The following GRAMD1B variants were observed in gnomAD, a reference collection of about 807,000 sequenced individuals.
The protein encoded by GRAMD1B is GRAM domain containing 1B, also known as protein Aster-B.
Under a neutral mutation model 99.7 loss-of-function variants are expected in GRAMD1B, and 37 were observed. The observed-to-expected ratio is 0.37, with a 90% CI of 0.29 to 0.49. The LOEUF is 0.49. GRAMD1B is among the 20% of genes least tolerant of loss of function. GRAMD1B has a pLI of 0.98. For missense variants in GRAMD1B, 888 were observed against 1,009.2 expected, an observed-to-expected ratio of 0.88 and a Z score of 1.63; for synonymous variants, 427 against 387.6, an observed-to-expected ratio of 1.10 and a Z score of -1.19.
intron 4 of GRAMD1B, among the ~76,000 whole-genome samples, chr11:123,585,487 A>G (rs1038097063): frequency 6.6e-6 from 1 of 152,206 alleles, no homozygotes; most frequent in African/African-American, 2.4e-5. Context: ...ACCGCAAACA[A>G]GGCAGAATTT....
intron 2 of GRAMD1B, among the ~76,000 whole-genome samples, chr11:123,574,779 C>T (rs1195564797): frequency 6.6e-6 from 1 of 152,056 alleles, no homozygotes; most frequent in Non-Finnish European, 1.5e-5. Context: ...GTGACCAGGG[C>T]CGGAAGCAGG....
chr11:123,368,258 C>CAAAAAAAAAAAAA (rs1024340450), intron 1 of GRAMD1B, among the ~76,000 whole-genome samples: 7 of 88,286 alleles, frequency 7.9e-5, no homozygotes, highest in Non-Finnish European at 7.1e-5. Flanking sequence ...CATCTTAAAA[C>CAAAAAAAAAAAAA]AAAAAAAAAA....
At chr11:123,595,864 G>A (rs376608214) in intron 6 of GRAMD1B, 78 bp from the exon 7 acceptor site, 144 of 723,602 alleles carry the variant, frequency 2.0e-4, no homozygotes, top group Non-Finnish European at 3.2e-4. Flanking sequence ...CTACACTGGC[G>A]CCCCCTGAAC....
chr11:123,513,657 C>A (rs1436035881), intron 2 of GRAMD1B, among the ~76,000 whole-genome samples: 1 of 127,492 alleles, frequency 7.8e-6, no homozygotes, highest in Admixed American at 9.1e-5. Flanking sequence ...TCTTACCTTT[C>A]TTTCTTTCTT....
chr11:123,497,900 CAAAAA>C (rs34168499), intron 2 of GRAMD1B, among the ~76,000 whole-genome samples: 4 of 110,360 alleles, frequency 3.6e-5, no homozygotes, highest in Admixed American at 1.9e-4. Context: ...GAATCTGTCT[CAAAAA>C]AAAAAAAAAA....
At chr11:123,410,263 A>G (rs1313722782) in intron 1 of GRAMD1B, among the ~76,000 whole-genome samples, 1 of 152,124 alleles carries the variant, frequency 6.6e-6, no homozygotes, top group Non-Finnish European at 1.5e-5. Flanking sequence ...CAAACAAAAA[A>G]ACCAGATGCC....
At chr11:123,617,788 C>G (rs1039345312) in intron 17 of GRAMD1B, among the ~76,000 whole-genome samples, 2 of 152,156 alleles carry the variant, frequency 1.3e-5, no homozygotes, top group African/African-American at 4.8e-5. Flanking sequence ...ATCCTATGAG[C>G]TTGTTATACA....
chr11:123,550,723 G>C (rs187689924), intron 2 of GRAMD1B, among the ~76,000 whole-genome samples: 2 of 152,150 alleles, frequency 1.3e-5, no homozygotes, highest in Non-Finnish European at 1.5e-5. Flanking sequence ...ATTAAGAAAA[G>C]GTCAGTTACC....
chr11:123,410,257 C>A (rs553237092), intron 1 of GRAMD1B, among the ~76,000 whole-genome samples: 16 of 150,290 alleles, frequency 1.1e-4, no homozygotes, highest in Non-Finnish European at 1.6e-4. Context: ...AACAAACAAA[C>A]AAAAAAACCA....
chr11:123,456,063 C>T (rs999037758), intron 1 of GRAMD1B, among the ~76,000 whole-genome samples: 3 of 152,112 alleles, frequency 2.0e-5, no homozygotes, highest in Non-Finnish European at 4.4e-5. Flanking sequence ...CCCAGCTACT[C>T]GGAAGCCTGA....
intron 1 of GRAMD1B, among the ~76,000 whole-genome samples, chr11:123,362,183 G>C (rs1308550172): frequency 6.6e-6 from 1 of 152,184 alleles, no homozygotes; most frequent in Non-Finnish European, 1.5e-5. Flanking sequence ...ATCTCTAGTT[G>C]TTCATGAGCA....
chr11:123,360,736 T>C (rs1565447699), intron 1 of GRAMD1B, among the ~76,000 whole-genome samples: 1 of 151,354 alleles, frequency 6.6e-6, no homozygotes, highest in East Asian at 1.9e-4. Context: ...AATCACATTC[T>C]TTCCTTCCTT....
At chr11:123,559,755 G>A in intron 2 of GRAMD1B, 44 of 900,782 alleles carry the variant, frequency 4.9e-5, no homozygotes, top group Non-Finnish European at 5.7e-5. Flanking sequence ...GGAGAAGCGA[G>A]CATCCTGGAA....
In GRAMD1B at chr11:123,603,912, G is replaced by A. The variant is rs184180272; in HGVS notation, c.1166+371G>A. Among the ~76,000 whole-genome samples the A allele has an allele frequency of 1.2e-4, 19 of 152,348 alleles. No homozygotes were observed. The East Asian group carries it at 3.3e-3, about 26-fold the overall frequency. ...GAGTAATTTAGATAGTTAGATGAGG[G>A]ATGGTGGTTGTTTGGAGAAGTGGCA... On this transcript the variant is annotated intron_variant, in intron 9 of 19. Coordinates refer to ENST00000635736, the MANE Select transcript of GRAMD1B (RefSeq NM_001387025.1).
rs1955162370 is a variant in GRAMD1B at position 123,621,886 on chromosome 11, T to TTTTC, written c.2545-619_2545-618insTTCT. On this transcript the variant is annotated intron_variant, in intron 19 of 19. Coordinates refer to ENST00000635736, the MANE Select transcript of GRAMD1B (RefSeq NM_001387025.1). ...CTTTCTTTTCTTTCTTTCTTTTTCTTTCTTTCTTTCTTTTTCTCTTTCTTT... is the reference window on the plus strand; with the variant it reads ...CTTTCTTTTCTTTCTTTCTTTTTCTTTTTCTCTTTCTTTCTTTTTCTCTTTCTTT... Among the ~76,000 whole-genome samples the TTTTC allele has an allele frequency of 1.3e-4, 8 of 61,962 alleles. No homozygotes were observed. In the Admixed American group the frequency reaches 1.4e-3, roughly 11 times the overall value. 40.6% of individuals were successfully genotyped at this position (61,962 alleles called of 152,430 possible).
chr11:123,514,301 A>T (rs1941459848), intron 2 of GRAMD1B, among the ~76,000 whole-genome samples: 1 of 152,202 alleles, frequency 6.6e-6, no homozygotes, highest in African/African-American at 2.4e-5. Flanking sequence ...AGGAAAGATG[A>T]TGTGGCTGTG....
intron 1 of GRAMD1B, among the ~76,000 whole-genome samples, chr11:123,373,035 A>T (rs1243613232): frequency 1.3e-5 from 2 of 152,186 alleles, no homozygotes; most frequent in African/African-American, 4.8e-5. Flanking sequence ...GCTCCTCAGG[A>T]GGCTGAGGCA....
At chr11:123,409,643 T>C (rs1947972860) in intron 1 of GRAMD1B, among the ~76,000 whole-genome samples, 1 of 152,184 alleles carries the variant, frequency 6.6e-6, no homozygotes, top group Non-Finnish European at 1.5e-5. Flanking sequence ...CACAGCCTAA[T>C]TACCTGTAGA....
At chr11:123,513,588 T>TCCTTCCTG (rs2135338071) in intron 2 of GRAMD1B, among the ~76,000 whole-genome samples, 1 of 82,932 alleles carries the variant, frequency 1.2e-5, no homozygotes, top group African/African-American at 5.7e-5. Flanking sequence ...TTTCCTTCCT[T>TCCTTCCTG]CCTTCCTTCC....
Sources: gnomAD v4.1 joint callset for allele counts (sites outside exome capture counted in the v4.1 genomes callset) on GRCh38, gnomAD v4.1.1 for gene constraint, MANE v1.5 for transcripts, NCBI Gene and HGNC (gene_info 2026-07-23, HGNC 2026-07-21) for gene names.